Variants in FRMD4B observed in about 807,000 individuals in gnomAD.
The protein encoded by FRMD4B is FERM domain-containing protein 4B.
In FRMD4B, 74 loss-of-function variants were observed where a neutral mutation model predicts 141.5. That is an observed-to-expected ratio of 0.52 (90% CI 0.43 to 0.63). The LOEUF is 0.63. Among genes scored for constraint, FRMD4B ranks in the 30% least tolerant of loss-of-function variants. The pLI is 0.00. For synonymous variants in FRMD4B, 506 were observed against 467.9 expected, an observed-to-expected ratio of 1.08 and a Z score of -1.05; for missense variants, 1,366 against 1,253.4, an observed-to-expected ratio of 1.09 and a Z score of -1.36.
chr3:69,217,259 G>A (rs1342234574), intron 10 of FRMD4B, among the ~76,000 whole-genome samples: 2 of 152,172 alleles, frequency 1.3e-5, no homozygotes, highest in Non-Finnish European at 2.9e-5. Flanking sequence ...AGAATATACT[G>A]ACACAGGAAA....
At chr3:69,248,637 C>T (rs1306799934) in intron 7 of FRMD4B, among the ~76,000 whole-genome samples, 2 of 152,214 alleles carry the variant, frequency 1.3e-5, no homozygotes, top group Non-Finnish European at 1.5e-5. Flanking sequence ...TTCTCTACAA[C>T]TCCAACGATT....
intron 1 of FRMD4B, chr3:69,536,394 G>C: frequency 1.4e-6 from 1 of 714,540 alleles, no homozygotes. Context: ...ACATGCCAGT[G>C]GCCAGCGCCT....
At chr3:69,224,087 T>A (rs967169794) in intron 8 of FRMD4B, among the ~76,000 whole-genome samples, 2 of 152,144 alleles carry the variant, frequency 1.3e-5, no homozygotes, top group African/African-American at 4.8e-5. Context: ...ATGTAAGTAT[T>A]TTAAGGGAAA....
At chr3:69,520,056 T>C (rs1700828552) in intron 1 of FRMD4B, among the ~76,000 whole-genome samples, 1 of 119,842 alleles carries the variant, frequency 8.3e-6, no homozygotes, top group Non-Finnish European at 1.7e-5. Context: ...CATCCATATA[T>C]ATATATGATG....
At position 69,193,731 on chromosome 3, in the gene FRMD4B, T is replaced by G. The variant is rs2092866557; in HGVS notation, c.1631A>C (p.Lys544Thr). Residue 544 changes from lysine to threonine, a missense_variant, in exon 17 of 23, where the codon AAG becomes ACG. Lys to Thr is a moderately conservative substitution (Grantham distance 78, BLOSUM62 -1). Transcript: ENST00000398540. ...TATTGCATTTTCAATCTCCTGAAGCTTTTTCATCGCATCTGTGTAATCTTG... is the reference window on the plus strand; with the variant it reads ...TATTGCATTTTCAATCTCCTGAAGCGTTTTCATCGCATCTGTGTAATCTTG... ...RKQDYTDAMK[K>T]LQEIENAINE... 10 of 1,613,788 alleles carry G rather than the reference T, an allele frequency of 6.2e-6. No homozygotes were observed. The East Asian group carries it at 2.2e-4, about 36-fold the overall frequency.
At chr3:69,427,999 A>G (rs1000284633) in intron 2 of FRMD4B, among the ~76,000 whole-genome samples, 1 of 152,146 alleles carries the variant, frequency 6.6e-6, no homozygotes, top group African/African-American at 2.4e-5. Context: ...TCCCAGTTAG[A>G]GACAAATCAT....
chr3:69,373,270 G>A (rs905717654), intron 1 of FRMD4B, among the ~76,000 whole-genome samples: 3 of 152,228 alleles, frequency 2.0e-5, no homozygotes. Flanking sequence ...GTTTGGTAGA[G>A]GGAGAGATTA....
chr3:69,405,155 T>G lies in FRMD4B; in HGVS notation c.-1+27479A>C, dbSNP rs141642351. Among the ~76,000 whole-genome samples, 296 of 150,874 alleles carry G rather than the reference T, an allele frequency of 2.0e-3. 1 individual carries two copies. The highest frequency in any genetic ancestry group is 0.01 in the Middle Eastern group (3 of 294). On this transcript the variant is annotated intron_variant, in intron 2 of 5. Coordinates refer to the FRMD4B transcript ENST00000459638. ...CCTTGTAGATGCCAAGAATGTTTTC[T>G]TTCTCCTTGCTCTTGCCATTGCTTC... is the stretch of plus-strand genomic sequence containing the variant.
At chr3:69,422,604 T>A (rs147592015) in intron 2 of FRMD4B, among the ~76,000 whole-genome samples, 160 of 152,276 alleles carry the variant, frequency 1.1e-3, no homozygotes, top group African/African-American at 3.7e-3. Flanking sequence ...TTCAGCTCTG[T>A]GGGCTATATG....
At chr3:69,303,221 C>T (rs1029394158) in intron 3 of FRMD4B, among the ~76,000 whole-genome samples, 4 of 72,628 alleles carry the variant, frequency 5.5e-5, no homozygotes, top group Admixed American at 1.7e-4. Flanking sequence ...GGGAAACTGA[C>T]GCAGGATGAT....
chr3:69,247,229 C>G lies in FRMD4B; in HGVS notation c.581+1997G>C, dbSNP rs374066037. On this transcript the variant is annotated intron_variant, in intron 7 of 22. Transcript: ENST00000398540. Reference sequence around the variant, plus strand: ...CATGACAGTTTTATGGGAAAGGTACCATTTTACCGATGAGGAAACTGAGGC... The same window carrying G: ...CATGACAGTTTTATGGGAAAGGTACGATTTTACCGATGAGGAAACTGAGGC... 9.9e-5 allele frequency among the ~76,000 whole-genome samples: 15 copies of G among 152,138 alleles called. No individual in the cohort carries two copies. The South Asian group carries it at 2.5e-3, about 25-fold the overall frequency.
chr3:69,395,800 A>T, intron 2 of FRMD4B, among the ~76,000 whole-genome samples: 1 of 152,216 alleles, frequency 6.6e-6, no homozygotes, highest in East Asian at 1.9e-4. Flanking sequence ...CAGTGGAGAA[A>T]ATAGTTATGT....
chr3:69,418,258 T>C (rs1276250256), intron 2 of FRMD4B, among the ~76,000 whole-genome samples: 2 of 152,148 alleles, frequency 1.3e-5, no homozygotes, highest in South Asian at 2.1e-4. Flanking sequence ...ACGGTGTACA[T>C]AGAACAATTT....
In FRMD4B at chr3:69,169,649, G is replaced by A. The variant is rs1010468423; in HGVS notation, c.*2212C>T. ...TGGGATTACAGGTGTGAGCCGCTATGCCTGGCCCTGAGCTTCCATTTCTAT... is the reference window on the plus strand; with the variant it reads ...TGGGATTACAGGTGTGAGCCGCTATACCTGGCCCTGAGCTTCCATTTCTAT... On this transcript the variant is annotated 3_prime_UTR_variant, in exon 23 of 23. Coordinates refer to ENST00000398540, the MANE Select transcript of FRMD4B (RefSeq NM_015123.3). 1.3e-5 allele frequency among the ~76,000 whole-genome samples: 2 copies of A among 152,078 alleles called. No individual in the cohort carries two copies. The highest frequency in any genetic ancestry group is 2.9e-5 in the Non-Finnish European group (2 of 68,010).
chr3:69,187,470 C>T (rs1292728145), intron 19 of FRMD4B, among the ~76,000 whole-genome samples: 6 of 150,044 alleles, frequency 4.0e-5, no homozygotes, highest in East Asian at 2.0e-4. Flanking sequence ...ACCCAGGAGG[C>T]GGACGTTGCG....
At chr3:69,218,054 G>T (rs955252383) in intron 10 of FRMD4B, among the ~76,000 whole-genome samples, 3 of 152,116 alleles carry the variant, frequency 2.0e-5, no homozygotes. Flanking sequence ...CTCAAATGAA[G>T]ATCTGGTAGT....
intron 4 of FRMD4B, among the ~76,000 whole-genome samples, chr3:69,291,073 C>G (rs184493969): frequency 5.0e-4 from 76 of 152,272 alleles, no homozygotes; most frequent in Non-Finnish European, 9.1e-4. Context: ...AAAAGACTTA[C>G]GTTGAAGGAT....
intron 1 of FRMD4B, among the ~76,000 whole-genome samples, chr3:69,381,280 A>G (rs998674145): frequency 6.6e-6 from 1 of 152,238 alleles, no homozygotes; most frequent in African/African-American, 2.4e-5. Flanking sequence ...AATTCCAAAG[A>G]AATTATGCCT....
intron 1 of FRMD4B, among the ~76,000 whole-genome samples, chr3:69,496,393 C>A (rs1051740807): frequency 2.6e-5 from 4 of 152,074 alleles, no homozygotes; most frequent in Non-Finnish European, 2.9e-5. Flanking sequence ...AAACACTGAA[C>A]CCTCTGGCCA....
Sources: allele counts gnomAD v4.1 joint callset (sites outside exome capture counted in the v4.1 genomes callset), GRCh38; gene constraint gnomAD v4.1.1; transcripts MANE v1.5; gene names NCBI Gene and HGNC (gene_info 2026-07-23, HGNC 2026-07-21).